The following SPAG16 variants were observed in gnomAD, a reference collection of about 807,000 sequenced individuals.
SPAG16 encodes the protein sperm-associated antigen 16 protein.
Under a neutral mutation model 80.4 loss-of-function variants are expected in SPAG16, and 86 were observed. The observed-to-expected ratio is 1.07, with a 90% CI of 0.90 to 1.28. SPAG16 has a LOEUF of 1.28. SPAG16 is among the 50% of genes most tolerant of loss of function. The probability of loss-of-function intolerance (pLI) is 0.00; values close to 1 mark genes in which losing one functional copy is unlikely to be tolerated. For synonymous variants in SPAG16, 294 were observed against 265.9 expected (o/e 1.11, Z -1.03); for missense variants, 870 against 765.3 (o/e 1.14, Z -1.61).
intron 15 of SPAG16, among the ~76,000 whole-genome samples, chr2:214,294,526 C>T (rs1486747229): frequency 6.6e-6 from 1 of 152,082 alleles, no homozygotes; most frequent in African/African-American, 2.4e-5. Context: ...CTTATGACAG[C>T]CAAAATATTA....
intron 9 of SPAG16, among the ~76,000 whole-genome samples, chr2:213,488,045 G>C (rs974161818): frequency 6.6e-6 from 1 of 151,944 alleles, no homozygotes; most frequent in African/African-American, 2.4e-5. Flanking sequence ...ATATAAAATA[G>C]TATATATGTT....
chr2:213,672,090 G>C (rs1308995448), intron 10 of SPAG16, among the ~76,000 whole-genome samples: 5 of 152,066 alleles, frequency 3.3e-5, no homozygotes, highest in Admixed American at 1.3e-4. Context: ...GAATTATTAT[G>C]GACTGTGGAA....
At chr2:214,035,362 G>A (rs953518458) in intron 13 of SPAG16, among the ~76,000 whole-genome samples, 3 of 152,192 alleles carry the variant, frequency 2.0e-5, no homozygotes, top group Admixed American at 6.5e-5. Context: ...ATGCCCAGGA[G>A]CCTGTCTGCT....
chr2:213,863,584 T>A (rs572740217), intron 11 of SPAG16, among the ~76,000 whole-genome samples: 1 of 152,222 alleles, frequency 6.6e-6, no homozygotes, highest in South Asian at 2.1e-4. Flanking sequence ...CCCTACTTTA[T>A]GAACATGCAG....
chr2:213,697,633 T>C (rs1374547629), intron 10 of SPAG16, among the ~76,000 whole-genome samples: 2 of 152,190 alleles, frequency 1.3e-5, no homozygotes, highest in Non-Finnish European at 2.9e-5. Context: ...TTTTGTACTT[T>C]TGACCTACAT....
chr2:213,344,634 GT>G (rs1207089791), intron 6 of SPAG16, among the ~76,000 whole-genome samples: 1 of 151,898 alleles, frequency 6.6e-6, no homozygotes, highest in South Asian at 2.1e-4. Flanking sequence ...GCGGTGTTTG[GT>G]TTTTTGTCCT....
chr2:213,888,906 A>C (rs9288477), intron 11 of SPAG16, among the ~76,000 whole-genome samples: 90,236 of 151,760 alleles, frequency 0.59, 28,709 homozygotes, highest in South Asian at 0.85. Flanking sequence ...AACGTAATCA[A>C]ATCTACTTCA....
At chr2:213,488,443 G>C (rs1384454783) in intron 9 of SPAG16, among the ~76,000 whole-genome samples, 3 of 152,120 alleles carry the variant, frequency 2.0e-5, no homozygotes, top group East Asian at 1.9e-4. Context: ...ACTTAGTGAA[G>C]TGCAGATTTA....
intron 11 of SPAG16, among the ~76,000 whole-genome samples, chr2:213,902,231 C>T (rs1415596490): frequency 6.6e-6 from 1 of 152,122 alleles, no homozygotes; most frequent in African/African-American, 2.4e-5. Flanking sequence ...CAGAGGCCCA[C>T]AAAACTGTGG....
intron 10 of SPAG16, among the ~76,000 whole-genome samples, chr2:213,582,579 T>C (rs562659086): frequency 6.6e-6 from 1 of 152,256 alleles, no homozygotes; most frequent in South Asian, 2.1e-4. Context: ...GTTTTTGATA[T>C]TCAGTTTAAG....
chr2:213,674,556 C>G (rs1396345063), intron 10 of SPAG16, among the ~76,000 whole-genome samples: 1 of 149,180 alleles, frequency 6.7e-6, no homozygotes, highest in East Asian at 1.9e-4. Context: ...CACAACAGTC[C>G]CCAGAGTGTG....
At chr2:214,323,298 C>T (rs1055387808) in intron 15 of SPAG16, among the ~76,000 whole-genome samples, 1 of 149,302 alleles carries the variant, frequency 6.7e-6, no homozygotes, top group African/African-American at 2.5e-5. Flanking sequence ...CAAAACACAC[C>T]TTCCCATTTA....
chr2:213,646,063 T>G (rs1162270405), intron 10 of SPAG16, among the ~76,000 whole-genome samples: 1 of 152,200 alleles, frequency 6.6e-6, no homozygotes, highest in Admixed American at 6.5e-5. Context: ...TCACAATTGC[T>G]GTGCTCTCCC....
intron 10 of SPAG16, among the ~76,000 whole-genome samples, chr2:213,607,114 G>A (rs757636251): frequency 7.9e-5 from 12 of 152,050 alleles, no homozygotes; most frequent in South Asian, 2.1e-4. Flanking sequence ...GATCAGTTTC[G>A]TTTTGATTTA....
At chr2:214,039,752 T>A (rs980610523) in intron 13 of SPAG16, among the ~76,000 whole-genome samples, 3 of 152,236 alleles carry the variant, frequency 2.0e-5, no homozygotes, top group African/African-American at 7.2e-5. Context: ...CTCTACCTTA[T>A]TTTGCTTTGT....
intron 15 of SPAG16, among the ~76,000 whole-genome samples, chr2:214,392,894 A>G (rs950484555): frequency 6.6e-6 from 1 of 152,212 alleles, no homozygotes; most frequent in African/African-American, 2.4e-5. Context: ...ACTGGGTAGA[A>G]TTACATAAGA....
At chr2:213,835,899 C>T (rs1014165614) in intron 10 of SPAG16, among the ~76,000 whole-genome samples, 2 of 152,116 alleles carry the variant, frequency 1.3e-5, no homozygotes, top group African/African-American at 4.8e-5. Flanking sequence ...ATGTATGTGA[C>T]ATTTTGACAG....
At chr2:214,323,324 ATATATATATATT>A (rs895755651) in intron 15 of SPAG16, among the ~76,000 whole-genome samples, 4 of 754 alleles carry the variant, frequency 5.3e-3, no homozygotes, top group African/African-American at 0.016. Flanking sequence ...GAGATTAAAT[ATATATATATATT>A]TATTTATTTA....
intron 15 of SPAG16, among the ~76,000 whole-genome samples, chr2:214,229,478 G>A (rs1441658106): frequency 6.6e-6 from 1 of 151,552 alleles, no homozygotes; most frequent in Non-Finnish European, 1.5e-5. Context: ...ATATTTATAT[G>A]TATGTGTATA....
Sources: gnomAD v4.1 joint callset for allele counts (sites outside exome capture counted in the v4.1 genomes callset) on GRCh38, gnomAD v4.1.1 for gene constraint, MANE v1.5 for transcripts, NCBI Gene and HGNC (gene_info 2026-07-23, HGNC 2026-07-21) for gene names.